Variants in C4orf51 observed in about 807,000 individuals in gnomAD.
The protein encoded by C4orf51 is chromosome 4 open reading frame 51.
A neutral mutation model predicts 25.2 loss-of-function variants in C4orf51; 25 were observed. That is an observed-to-expected ratio of 0.99 (90% confidence interval 0.72 to 1.39). C4orf51 has a LOEUF of 1.39. Ranked by LOEUF, C4orf51 falls within the 40% of genes most tolerant of loss-of-function variation. The pLI is 0.00. For synonymous variants in C4orf51, 100 were observed against 84.5 expected (o/e 1.18, Z -1.01); for missense variants, 252 against 239.6 (o/e 1.05, Z -0.34).
chr4:145,779,595 G>A, the C4orf51 span: 2 of 1,518,902 alleles, frequency 1.3e-6, no homozygotes, highest in Non-Finnish European at 1.8e-6. Context: ...TTTCAGCAGA[G>A]CCTTCTCTCT....
the C4orf51 span, among the ~76,000 whole-genome samples, chr4:145,780,915 C>T: frequency 1.3e-5 from 2 of 152,170 alleles, no homozygotes; most frequent in Non-Finnish European, 2.9e-5. Context: ...AAAATGCTCA[C>T]GCTGGGTGCA....
intron 1 of C4orf51, among the ~76,000 whole-genome samples, chr4:145,743,314 A>C (rs1035306083): frequency 6.6e-6 from 1 of 152,194 alleles, no homozygotes; most frequent in Non-Finnish European, 1.5e-5. Flanking sequence ...GGAAAGTCTA[A>C]GATCAAGGGG....
chr4:145,688,591 CT>C (rs1729194546), intron 1 of C4orf51, among the ~76,000 whole-genome samples: 1 of 152,210 alleles, frequency 6.6e-6, no homozygotes, highest in Non-Finnish European at 1.5e-5. Context: ...ATGTGCCTTG[CT>C]TCCCCTTTGT....
chr4:145,716,209 T>C (rs531991556), intron 2 of C4orf51, among the ~76,000 whole-genome samples: 33 of 152,312 alleles, frequency 2.2e-4, no homozygotes, highest in African/African-American at 7.2e-4. Context: ...CAAAGTTGGC[T>C]GTTCTGCAGG....
chr4:145,757,420 G>A (rs1734032771), downstream of C4orf51, among the ~76,000 whole-genome samples: 1 of 152,126 alleles, frequency 6.6e-6, no homozygotes. Context: ...CAACCTTAAT[G>A]GCCATTAATG....
rs1419896452 is a variant in C4orf51 at position 145,762,462 on chromosome 4, CCTCTGCATT to C, written n.167-8518_167-8510del. Among the ~76,000 whole-genome samples, 1 of 152,208 alleles carries C rather than the reference CCTCTGCATT, an allele frequency of 6.6e-6. No individual in the cohort carries two copies. The highest frequency in any genetic ancestry group is 1.5e-5 in the Non-Finnish European group (1 of 68,040). On this transcript the variant is annotated intron_variant and non_coding_transcript_variant, in intron 1 of 1. Transcript: ENST00000510096. The surrounding 1 kb of genome is among the most constrained non-coding windows in gnomAD (Gnocchi z 4.9). Reference sequence around the variant, plus strand: ...GAGGGCAGGACCATATCTTACATTTCCTCTGCATTCTCTGCAGTGCTTGGTAGAGTACTT... The same window carrying C: ...GAGGGCAGGACCATATCTTACATTTCCTCTGCAGTGCTTGGTAGAGTACTT...
chr4:145,685,775 G>A (rs939897618), intron 1 of C4orf51, among the ~76,000 whole-genome samples: 25 of 152,032 alleles, frequency 1.6e-4, no homozygotes, highest in Admixed American at 1.6e-3. Context: ...CAGAAATTGG[G>A]CATAAGACAA....
At chr4:145,740,409 A>G (rs999219160) in intron 1 of C4orf51, among the ~76,000 whole-genome samples, 1 of 152,208 alleles carries the variant, frequency 6.6e-6, no homozygotes, top group African/African-American at 2.4e-5. Flanking sequence ...CTCCTAACTC[A>G]TCGGGTTTCC....
chr4:145,773,607 T>C (rs1485289881), downstream of C4orf51, among the ~76,000 whole-genome samples: 1 of 152,214 alleles, frequency 6.6e-6, no homozygotes, highest in African/African-American at 2.4e-5. Context: ...CTGGTATCAT[T>C]TGTAACCATC....
intron 2 of C4orf51, among the ~76,000 whole-genome samples, chr4:145,703,896 G>A (rs973674663): frequency 6.6e-6 from 1 of 152,190 alleles, no homozygotes; most frequent in Non-Finnish European, 1.5e-5. Context: ...TAAAGCTTTG[G>A]TAAAAATCAC....
At chr4:145,696,490 G>A (rs1479766821) in intron 1 of C4orf51, 69 bp from the exon 2 acceptor site, 3 of 1,258,904 alleles carry the variant, frequency 2.4e-6, no homozygotes, top group Admixed American at 1.8e-5. Flanking sequence ...ATCCCTGTAA[G>A]TCCACAGGCT....
chr4:145,688,532 A>T (rs1729321791), intron 1 of C4orf51, among the ~76,000 whole-genome samples: 2 of 152,084 alleles, frequency 1.3e-5, no homozygotes, highest in Admixed American at 1.3e-4. Context: ...TGATAGTTTA[A>T]AAGTGGTAGT....
At chr4:145,725,601 A>T (rs1732010806) in intron 2 of C4orf51, among the ~76,000 whole-genome samples, 1 of 40,486 alleles carries the variant, frequency 2.5e-5, no homozygotes, top group Admixed American at 2.3e-4. Context: ...TTCAGCAATT[A>T]AAAAAAAGAA....
At chr4:145,767,541 G>A (rs1336296007) in intron 1 of C4orf51, among the ~76,000 whole-genome samples, 1 of 152,012 alleles carries the variant, frequency 6.6e-6, no homozygotes, top group African/African-American at 2.4e-5. Flanking sequence ...TAAGAAACAC[G>A]AAGAAACCTA....
chr4:145,730,074 G>C, intron 5 of C4orf51, 109 bp downstream of exon 5: 1 of 869,862 alleles, frequency 1.1e-6, no homozygotes, highest in Non-Finnish European at 1.9e-6. Context: ...TGTATGTTTA[G>C]AGTTGGTATA....
At chr4:145,733,211 C>T (rs531288694), downstream of C4orf51, among the ~76,000 whole-genome samples, 4 of 152,178 alleles carry the variant, frequency 2.6e-5, no homozygotes, top group South Asian at 8.3e-4. Flanking sequence ...TCCCGGCCCG[C>T]CGGAGCGGCC....
At position 145,761,376 on chromosome 4, in the gene C4orf51, G is replaced by A. The variant is rs1406995819; in HGVS notation, n.167-9612G>A. ...GGAAGGGCCGCTCCCCGGTGTGGAC[G>A]CGCACGTGCTCGATGAGCTTGTTGG... On this transcript the variant is annotated intron_variant and non_coding_transcript_variant, in intron 1 of 1. Coordinates refer to the C4orf51 transcript ENST00000510096. This position sits in a 1 kb window ranked among gnomAD's most constrained non-coding sequence, Gnocchi z 6.8. 4 of 1,289,908 alleles carry A rather than the reference G, an allele frequency of 3.1e-6. No individual in the cohort carries two copies. The highest frequency in any genetic ancestry group is 2.1e-4 in the Middle Eastern group (1 of 4,696). The allele number at this position is 1,289,908 out of a possible 1,614,324, so 79.9% of individuals were successfully genotyped here.
chr4:145,714,177 T>A (rs72952625), intron 2 of C4orf51, among the ~76,000 whole-genome samples: 10,578 of 152,304 alleles, frequency 0.069, 453 homozygotes, highest in South Asian at 0.14. Flanking sequence ...AAAAAGTTCA[T>A]GTGACCCACT....
intron 4 of C4orf51, 68 bp downstream of exon 4, chr4:145,729,297 ATTTTTTTT>A (rs547075220): frequency 1.4e-4 from 42 of 292,902 alleles, no homozygotes; most frequent in South Asian, 9.9e-4. Context: ...TGGTCATGTG[ATTTTTTTT>A]TTTTTTTTTT....
Sources: gnomAD v4.1 joint callset for allele counts (sites outside exome capture counted in the v4.1 genomes callset) on GRCh38, gnomAD v4.1.1 for gene constraint, Gnocchi (gnomAD v3.1) non-coding constraint, MANE v1.5 for transcripts, NCBI Gene and HGNC (gene_info 2026-07-23, HGNC 2026-07-21) for gene names.